ATRNL1: variants seen among roughly 807,000 people sequenced by gnomAD.
ATRNL1 encodes attractin-like protein 1.
Under a neutral mutation model 182.7 loss-of-function variants are expected in ATRNL1, and 95 were observed. The ratio of observed to expected loss-of-function variants is 0.52; its 90% confidence interval spans 0.44 to 0.62. ATRNL1 has a LOEUF of 0.62. Ranked by LOEUF, ATRNL1 falls within the 20% of genes least tolerant of loss-of-function variation. The pLI is 0.00. For synonymous variants in ATRNL1, 576 were observed against 568.3 expected (o/e 1.01, Z -0.19); for missense variants, 1,471 against 1,679.5 (o/e 0.88, Z 2.17).
chr10:115,107,824 T>G (rs781939836), intron 1 of ATRNL1, among the ~76,000 whole-genome samples: 11 of 152,240 alleles, frequency 7.2e-5, no homozygotes, highest in Admixed American at 1.3e-4. Context: ...CTGGTTTGCT[T>G]GAACAGTGAC....
intron 19 of ATRNL1, among the ~76,000 whole-genome samples, chr10:115,362,000 C>T (rs559013706): frequency 6.6e-6 from 1 of 152,020 alleles, no homozygotes; most frequent in East Asian, 1.9e-4. Flanking sequence ...TTAATATAGG[C>T]AAGTACAGGT....
chr10:115,402,951 C>A (rs1222933454), intron 20 of ATRNL1, among the ~76,000 whole-genome samples: 3 of 152,104 alleles, frequency 2.0e-5, no homozygotes, highest in Non-Finnish European at 2.9e-5. Flanking sequence ...AATAAAAATT[C>A]TTGATACATT....
At chr10:115,412,357 C>G (rs1845181816) in intron 20 of ATRNL1, among the ~76,000 whole-genome samples, 1 of 152,160 alleles carries the variant, frequency 6.6e-6, no homozygotes, top group African/African-American at 2.4e-5. Flanking sequence ...CAGCTGACAC[C>G]TGATTGCAGG....
intron 26 of ATRNL1, among the ~76,000 whole-genome samples, chr10:115,709,839 G>A (rs1043154771): frequency 2.0e-5 from 3 of 152,012 alleles, no homozygotes; most frequent in African/African-American, 7.2e-5. Context: ...CCATGACAAT[G>A]TCTTTTCCTA....
intron 25 of ATRNL1, among the ~76,000 whole-genome samples, chr10:115,524,825 C>T (rs1220357596): frequency 4.6e-5 from 7 of 152,174 alleles, no homozygotes; most frequent in African/African-American, 1.7e-4. Context: ...ACCCCATGAA[C>T]ACCCCAACTC....
At chr10:115,367,854 A>C (rs1554946568) in intron 19 of ATRNL1, among the ~76,000 whole-genome samples, 2 of 148,084 alleles carry the variant, frequency 1.4e-5, no homozygotes, top group African/African-American at 5.0e-5. Flanking sequence ...TCAGGGACCC[A>C]CTTGAGGAGG....
At chr10:115,186,712 T>G (rs914234281) in intron 8 of ATRNL1, among the ~76,000 whole-genome samples, 1 of 152,056 alleles carries the variant, frequency 6.6e-6, no homozygotes, top group Non-Finnish European at 1.5e-5. Context: ...TTGGTGGGGA[T>G]GTGAGGATGA....
At chr10:115,597,545 A>G (rs1359760264) in intron 26 of ATRNL1, 11 of 393,162 alleles carry the variant, frequency 2.8e-5, no homozygotes, top group Admixed American at 1.5e-4. Flanking sequence ...TAAACATTAC[A>G]TGAAACAATT....
At chr10:115,752,683 C>G (rs1948480509) in intron 27 of ATRNL1, among the ~76,000 whole-genome samples, 1 of 152,000 alleles carries the variant, frequency 6.6e-6, no homozygotes, top group African/African-American at 2.4e-5. Context: ...TTAAAGAAGC[C>G]TCTATAGCGC....
At chr10:115,302,923 A>G (rs990863099) in intron 17 of ATRNL1, among the ~76,000 whole-genome samples, 8 of 137,370 alleles carry the variant, frequency 5.8e-5, no homozygotes, top group African/African-American at 1.8e-4. Flanking sequence ...TCTTTCTGCA[A>G]TCCACTCTTT....
intron 26 of ATRNL1, among the ~76,000 whole-genome samples, chr10:115,645,953 C>T (rs1017714160): frequency 1.3e-5 from 2 of 151,432 alleles, no homozygotes; most frequent in Admixed American, 6.6e-5. Flanking sequence ...AGATATCAAC[C>T]TTTAGATCCC....
intron 19 of ATRNL1, among the ~76,000 whole-genome samples, chr10:115,382,395 G>A (rs1354553197): frequency 1.3e-5 from 2 of 151,282 alleles, no homozygotes; most frequent in Non-Finnish European, 3.0e-5. Flanking sequence ...AGTACATCTT[G>A]TACTTCTTTT....
intron 27 of ATRNL1, among the ~76,000 whole-genome samples, chr10:115,729,637 G>T (rs1947728109): frequency 6.7e-6 from 1 of 149,928 alleles, no homozygotes; most frequent in Non-Finnish European, 1.5e-5. Flanking sequence ...TTTTTATGTT[G>T]CTTATAGCTA....
chr10:115,521,757 C>T (rs1305573599), intron 25 of ATRNL1, among the ~76,000 whole-genome samples: 3 of 152,010 alleles, frequency 2.0e-5, no homozygotes, highest in East Asian at 1.9e-4. Context: ...GGTTTTTTGT[C>T]ATTTAAATTC....
chr10:115,094,506 T>G (rs1554862664), intron 1 of ATRNL1, among the ~76,000 whole-genome samples: 2 of 152,186 alleles, frequency 1.3e-5, no homozygotes, highest in African/African-American at 4.8e-5. Context: ...CATTCTCTTC[T>G]CTCTAGAGGT....
At chr10:115,784,417 G>A (rs1390804997) in intron 27 of ATRNL1, among the ~76,000 whole-genome samples, 2 of 152,178 alleles carry the variant, frequency 1.3e-5, no homozygotes, top group African/African-American at 2.4e-5. Context: ...AGTAGAATCC[G>A]AAAAGATTTT....
intron 26 of ATRNL1, among the ~76,000 whole-genome samples, chr10:115,604,192 G>T (rs781881798): frequency 6.6e-6 from 1 of 151,976 alleles, no homozygotes; most frequent in Non-Finnish European, 1.5e-5. Context: ...CATTACTGAG[G>T]ATATGAATTT....
chr10:115,132,461 G>A (rs551121372), intron 5 of ATRNL1, among the ~76,000 whole-genome samples: 1 of 152,240 alleles, frequency 6.6e-6, no homozygotes, highest in African/African-American at 2.4e-5. Flanking sequence ...TGGGATGGCT[G>A]GGTCAAATGG....
intron 28 of ATRNL1, among the ~76,000 whole-genome samples, chr10:115,858,711 A>T (rs1211049241): frequency 6.6e-6 from 1 of 152,136 alleles, no homozygotes; most frequent in Non-Finnish European, 1.5e-5. Flanking sequence ...AATAAATGTT[A>T]AGGGTAAGTT....
Sources: gnomAD v4.1 joint callset for allele counts (sites outside exome capture counted in the v4.1 genomes callset) on GRCh38, gnomAD v4.1.1 for gene constraint, MANE v1.5 for transcripts, NCBI Gene and HGNC (gene_info 2026-07-23, HGNC 2026-07-21) for gene names.